DNHD1: variants seen among roughly 807,000 people sequenced by gnomAD.
DNHD1 encodes dynein heavy chain domain 1, also known as dynein heavy chain domain-containing protein 1.
DNHD1 carries 383 observed loss-of-function variants against 458.1 expected under a neutral mutation model. The observed-to-expected ratio is 0.84, with a 90% CI of 0.77 to 0.91. The LOEUF (loss-of-function observed/expected upper bound fraction) is 0.91, where lower values mean the gene tolerates loss of function less well. Ranked by LOEUF, DNHD1 falls within the 40% of genes least tolerant of loss-of-function variation. The pLI, the probability that DNHD1 is intolerant of heterozygous loss-of-function variation, is 0.00. For missense variants in DNHD1, 5,336 were observed against 5,866.1 expected, an observed-to-expected ratio of 0.91 and a Z score of 2.95; for synonymous variants, 2,203 against 2,376.9, an observed-to-expected ratio of 0.93 and a Z score of 2.13.
chr11:6,515,255 T>C (rs921375265), intron 7 of DNHD1, among the ~76,000 whole-genome samples: 1 of 152,250 alleles, frequency 6.6e-6, no homozygotes, highest in East Asian at 1.9e-4. Context: ...CATTTCATTT[T>C]ATAACTATAG....
chr11:6,538,942 A>G (rs1205080586), intron 16 of DNHD1, 132 bp downstream of exon 16: 2 of 1,056,842 alleles, frequency 1.9e-6, no homozygotes, highest in African/African-American at 3.2e-5. Context: ...TTTCCCACAT[A>G]TTTCAATTTC....
chr11:6,547,746 T>A, intron 21 of DNHD1, 80 bp downstream of exon 21: 1 of 1,476,118 alleles, frequency 6.8e-7, no homozygotes, highest in Non-Finnish European at 9.1e-7. Context: ...CTGGGGCGTG[T>A]GTTCTTTGGT....
At position 6,498,597 on chromosome 11, in the gene DNHD1, GGT is replaced by G; in HGVS notation, c.384_385del (p.Ala129HisfsTer19). ...VQTHLHLDLL[G>X]AIVQAFPPDS... is the part of the protein sequence containing the mutation. The stretch of plus-strand genomic sequence containing the variant: ...AACCCACCTCCATCTGGACCTGCTA[GGT>G]GCCATTGTCCAGGCCTTTCCTCCAG... On this transcript the variant is annotated frameshift_variant, in exon 3 of 43. Coordinates refer to ENST00000254579, the MANE Select transcript of DNHD1 (RefSeq NM_144666.3). LOFTEE classifies it high-confidence loss of function. The G allele has an allele frequency of 1.2e-6, 2 of 1,614,230 alleles. No homozygotes were observed. Among genetic ancestry groups the G allele is most frequent in the Non-Finnish European group, 1.7e-6 (2 of 1,180,046 alleles).
Position 6,565,858 on chromosome 11 carries a change from AGAG to A in DNHD1, c.10927_10929del (p.Glu3643del), listed in dbSNP as rs1288034453. 23 of 1,551,722 alleles carry A rather than the reference AGAG, an allele frequency of 1.5e-5. No individual in the cohort carries two copies. Among genetic ancestry groups the A allele is most frequent in the Admixed American group, 1.4e-4 (7 of 51,006 alleles). On this transcript the variant is annotated inframe_deletion, in exon 33 of 43. Transcript: ENST00000254579. ...AAGAGCAAGAGGAAAATGAAGAGAA[AGAG>A]GAGGAGAAGACAGAGAGCCAGGGGT...
At chr11:6,533,630 A>G (rs749922671) in intron 13 of DNHD1, 51 bp from the exon 14 acceptor site, 1 of 1,501,898 alleles carries the variant, frequency 6.7e-7, no homozygotes, top group Non-Finnish European at 8.9e-7. Context: ...ATGGGACCAA[A>G]GAGGTACATG....
At chr11:6,517,652 CTTT>C (rs59300977) in intron 7 of DNHD1, among the ~76,000 whole-genome samples, 31 of 59,050 alleles carry the variant, frequency 5.2e-4, no homozygotes, top group East Asian at 1.9e-3. Flanking sequence ...TCTAGGACTT[CTTT>C]TTTTTTTTTT....
At position 6,538,590 on chromosome 11, in the gene DNHD1, CAGTG is replaced by C; in HGVS notation, c.3127-19_3127-16del. 4 of 1,548,640 alleles carry C rather than the reference CAGTG, an allele frequency of 2.6e-6. No homozygotes were observed. The highest frequency in any genetic ancestry group is 2.6e-6 in the Non-Finnish European group (3 of 1,145,100). On this transcript the variant is annotated intron_variant, in intron 15 of 42. Transcript: ENST00000254579. Reference sequence around the variant, plus strand: ...GGGGAGGGGAAGAGTCTCAAGCTGACAGTGAGCCCTTCTCCCTGCAGTTCAGCCC... The same window carrying C: ...GGGGAGGGGAAGAGTCTCAAGCTGACAGCCCTTCTCCCTGCAGTTCAGCCC...
In DNHD1 at chr11:6,545,078, C is replaced by A. The variant is rs780918350; in HGVS notation, c.4139C>A (p.Ala1380Asp). The A allele has an allele frequency of 6.4e-7, 1 of 1,551,844 alleles. No individual in the cohort carries two copies. Among genetic ancestry groups the A allele is most frequent in the Non-Finnish European group, 8.7e-7 (1 of 1,147,050 alleles). ...GCTGCTCGACTGGAATCATGCGAAG[C>A]CCAGCTATGGGTACGACGCTGCTTT... ...LLAARLESCE[A>D]QLWVRRCFPH... is the part of the protein sequence containing the mutation. Residue 1380 changes from alanine (A) to aspartate (D), a missense_variant, in exon 21 of 43, where the codon GCC becomes GAC. By Grantham distance (126) the Ala-to-Asp change is moderately radical. Around this residue, in one of 4 missense-constraint regions of DNHD1, gnomAD observed 3,932 missense variants for 4,365.6 expected, o/e 0.90. Transcript: ENST00000254579. This position sits in a 1 kb window ranked among gnomAD's most constrained non-coding sequence, Gnocchi z 4.9.
Position 6,546,479 on chromosome 11 carries a change from A to G in DNHD1, c.5540A>G (p.Asp1847Gly). 3.2e-6 allele frequency: 5 copies of G among 1,550,730 alleles called. No homozygotes were observed. The highest frequency in any genetic ancestry group is 4.4e-6 in the Non-Finnish European group (5 of 1,146,998). The change falls in exon 21 of 43, where the codon GAT (aspartate) becomes GGT (glycine). Residue 1847 changes from aspartate to glycine, a missense_variant. Coordinates refer to ENST00000254579, the MANE Select transcript of DNHD1 (RefSeq NM_144666.3). ...ELTLLGAGMRDAFQMATRLSK... is the reference protein window; with the variant it reads ...ELTLLGAGMRGAFQMATRLSK... ...ACTCTGCTGGGTGCAGGGATGAGGG[A>G]TGCCTTCCAGATGGCTACCCGCCTA...
chr11:6,519,160 T>G (rs1564999791), intron 7 of DNHD1, among the ~76,000 whole-genome samples: 1 of 152,186 alleles, frequency 6.6e-6, no homozygotes, highest in African/African-American at 2.4e-5. Flanking sequence ...CAGCTTCTAT[T>G]ATAACATAAA....
At chr11:6,559,382 C>G (rs978984017) in intron 28 of DNHD1, 99 bp downstream of exon 28, 5 of 990,134 alleles carry the variant, frequency 5.0e-6, no homozygotes, top group Non-Finnish European at 7.4e-6. Context: ...TTCTTGTCCC[C>G]CTAAGCTTCC....
intron 4 of DNHD1, 178 bp from the exon 5 acceptor site, chr11:6,508,702 T>G: frequency 1.6e-6 from 1 of 620,962 alleles, no homozygotes; most frequent in Non-Finnish European, 2.7e-6. Context: ...CGGTTTCTTC[T>G]TAATAATATT....
intron 24 of DNHD1, among the ~76,000 whole-genome samples, chr11:6,553,510 TAAAA>T (rs1353712412): frequency 6.6e-6 from 1 of 152,074 alleles, no homozygotes; most frequent in Non-Finnish European, 1.5e-5. Flanking sequence ...GAAAAAGAAA[TAAAA>T]GCTTTTAAAA....
intron 16 of DNHD1, 49 bp downstream of exon 16, chr11:6,538,859 T>C: frequency 7.0e-7 from 1 of 1,433,000 alleles, no homozygotes; most frequent in Non-Finnish European, 9.3e-7. Context: ...TATGTGAGGT[T>C]AGAGCGATGC....
intron 31 of DNHD1, 93 bp downstream of exon 31, chr11:6,564,217 C>A: frequency 1.4e-6 from 2 of 1,462,368 alleles, no homozygotes; most frequent in Non-Finnish European, 9.2e-7. Flanking sequence ...CTCTGTCCCT[C>A]TCTGCACTCC....
intron 24 of DNHD1, 191 bp downstream of exon 24, chr11:6,549,124 G>C: frequency 4.6e-6 from 3 of 651,422 alleles, no homozygotes; most frequent in Non-Finnish European, 7.7e-6. Context: ...TCTCTGCTTT[G>C]CTAAATCTCT....
In DNHD1 at chr11:6,546,588, C is replaced by A; in HGVS notation, c.5649C>A (p.Asp1883Glu). Residue 1883 changes from aspartate to glutamate, a missense_variant, in exon 21 of 43, where the codon GAC (aspartate) becomes GAA (glutamate). Physicochemically the swap from Asp to Glu is conservative, Grantham distance 45. Around this residue, in one of 4 missense-constraint regions of DNHD1, gnomAD observed 3,932 missense variants for 4,365.6 expected, o/e 0.90. Transcript: ENST00000254579. ...RLPLLKQILE[D>E]TIRTLNVTKE... ...CACTGCTCAAGCAGATACTGGAAGA[C>A]ACAATACGGACACTAAATGTGACCA... 6.4e-7 allele frequency: 1 copy of A among 1,551,842 alleles called. No homozygotes were observed. The highest frequency in any genetic ancestry group is 8.7e-7 in the Non-Finnish European group (1 of 1,147,030).
Position 6,548,628 on chromosome 11 carries a change from C to A in DNHD1, c.7099-17C>A. ...TATACTGGAGGTGCTGCAGTAAGTCCCACTTCTGTCTTGCAGACTGAACGG... is the reference window on the plus strand; with the variant it reads ...TATACTGGAGGTGCTGCAGTAAGTCACACTTCTGTCTTGCAGACTGAACGG... On this transcript the variant is annotated splice_polypyrimidine_tract_variant and intron_variant, in intron 23 of 42. Transcript: ENST00000254579. The surrounding 1 kb of genome is among the most constrained non-coding windows in gnomAD (Gnocchi z 4.4). 1 of 1,551,016 alleles carries A rather than the reference C, an allele frequency of 6.4e-7. No individual in the cohort carries two copies. Among genetic ancestry groups the A allele is most frequent in the African/African-American group, 1.4e-5 (1 of 73,138 alleles).
chr11:6,498,194 G>C lies in DNHD1; in HGVS notation c.-22G>C, dbSNP rs777354971. 9 of 1,596,360 alleles carry C rather than the reference G, an allele frequency of 5.6e-6. No homozygotes were observed. The highest frequency in any genetic ancestry group is 7.7e-6 in the Non-Finnish European group (9 of 1,169,422). On this transcript the variant is annotated 5_prime_UTR_variant, in exon 3 of 43. Transcript: ENST00000254579. Reference sequence around the variant, plus strand: ...AGCTATGGGCAAGGTCACTTCGACAGCAGTTGAATGCCCAGCTCCTCATGG... The same window carrying C: ...AGCTATGGGCAAGGTCACTTCGACACCAGTTGAATGCCCAGCTCCTCATGG...
Sources: gnomAD v4.1 joint callset for allele counts (sites outside exome capture counted in the v4.1 genomes callset) on GRCh38, gnomAD v4.1.1 for gene constraint, gnomAD v4.1.1 regional missense constraint, Gnocchi (gnomAD v3.1) non-coding constraint, MANE v1.5 for transcripts, NCBI Gene and HGNC (gene_info 2026-07-23, HGNC 2026-07-21) for gene names.